CUL7: variants seen among roughly 807,000 people sequenced by gnomAD.
CUL7 encodes the protein cullin-7.
A neutral mutation model predicts 177.7 loss-of-function variants in CUL7; 96 were observed. That is an observed-to-expected ratio of 0.54 (90% CI 0.46 to 0.64). CUL7 has a LOEUF of 0.64. Among genes scored for constraint, CUL7 ranks in the 30% least tolerant of loss-of-function variants. The pLI is 0.00. For missense variants in CUL7, 1,893 were observed against 2,187.9 expected (o/e 0.87, Z 2.69); for synonymous variants, 824 against 890.2 (o/e 0.93, Z 1.32).
Position 43,043,401 on chromosome 6 carries a change from G to A in CUL7, c.3355+47C>T, listed in dbSNP as rs1561879562. On this transcript the variant is annotated intron_variant, in intron 17 of 25. Coordinates refer to ENST00000265348, the MANE Select transcript of CUL7 (RefSeq NM_014780.5). This position sits in a 1 kb window ranked among gnomAD's most constrained non-coding sequence, Gnocchi z 4.2. ...CCTGTGGTGTACACATGGGGCCCAG[G>A]AAAACGCTCCTGACTAGAGCTCCCC... The A allele has an allele frequency of 5.0e-6, 8 of 1,593,176 alleles. No homozygotes were observed. The South Asian group carries it at 6.6e-5, about 13-fold the overall frequency.
At position 43,043,263 on chromosome 6, in the gene CUL7, G is replaced by T; in HGVS notation, c.3356-83C>A. 2.3e-6 allele frequency: 3 copies of T among 1,294,674 alleles called. No individual in the cohort carries two copies. Among genetic ancestry groups the T allele is most frequent in the Non-Finnish European group, 2.2e-6 (2 of 905,240 alleles). The allele number at this position is 1,294,674 out of a possible 1,614,324, so 80.2% of individuals were successfully genotyped here. On this transcript the variant is annotated intron_variant, in intron 17 of 25. Coordinates refer to ENST00000265348, the MANE Select transcript of CUL7 (RefSeq NM_014780.5). The surrounding 1 kb of genome is among the most constrained non-coding windows in gnomAD (Gnocchi z 4.2). ...TCCCCATCCAAGGGGGTTCCCTGAG[G>T]CCTTTCCTGACATGCTGCCACCCAA... is the stretch of plus-strand genomic sequence containing the variant.
At position 43,043,530 on chromosome 6, in the gene CUL7, C is replaced by T. The variant is rs144269675; in HGVS notation, c.3273G>A (p.Ser1091=). 118 of 1,614,068 alleles carry T rather than the reference C, an allele frequency of 7.3e-5. No individual in the cohort carries two copies. The African/African-American group carries it at 1.1e-3, about 15-fold the overall frequency. ...GCAGGTGAGTGAGACGGCGCACCCG[C>T]GAGAAGAAAGCTGGGCCGCGGCTCT... is the stretch of plus-strand genomic sequence containing the variant. ...NPQSRGPAFF[S]RVRRLTHLLV... is the part of the protein sequence containing the mutation. Residue 1091 remains serine (S), a synonymous_variant, in exon 17 of 26, where the codon TCG becomes TCA. Coordinates refer to ENST00000265348, the MANE Select transcript of CUL7 (RefSeq NM_014780.5). This position sits in a 1 kb window ranked among gnomAD's most constrained non-coding sequence, Gnocchi z 4.2.
At chr6:43,042,337 G>GTTTTTTTTTT (rs990850609) in intron 19 of CUL7, among the ~76,000 whole-genome samples, 7 of 151,512 alleles carry the variant, frequency 4.6e-5, no homozygotes, top group Non-Finnish European at 8.8e-5. Context: ...GGGTTTTTTT[G>GTTTTTTTTTT]TTTTTTTCTT....
chr6:43,042,506 A>G (rs1178734657), intron 19 of CUL7, among the ~76,000 whole-genome samples: 1 of 151,856 alleles, frequency 6.6e-6, no homozygotes, highest in Non-Finnish European at 1.5e-5. Context: ...ATGCCTGGCT[A>G]ATTTTTGTAT....
At position 43,040,672 on chromosome 6, in the gene CUL7, G is replaced by A; in HGVS notation, c.3881C>T (p.Pro1294Leu). 6.2e-7 allele frequency: 1 copy of A among 1,614,186 alleles called. No individual in the cohort carries two copies. Among genetic ancestry groups the A allele is most frequent in the East Asian group, 2.2e-5 (1 of 44,884 alleles). Residue 1294 changes from proline (P) to leucine (L), a missense_variant, in exon 21 of 26, where the codon CCC becomes CTC. Coordinates refer to ENST00000265348, the MANE Select transcript of CUL7 (RefSeq NM_014780.5). This position sits in a 1 kb window ranked among gnomAD's most constrained non-coding sequence, Gnocchi z 4.2. ...CTGGGGGAGGCGGTTGGGGAAGCAG[G>A]GACCGATCTGCTCCAGCACGGCCCC... ...LEGAVLEQIG[P>L]CFPNRLPQQM...
chr6:43,046,706 C>G, intron 10 of CUL7, 105 bp from the exon 11 acceptor site: 1 of 1,526,724 alleles, frequency 6.5e-7, no homozygotes, highest in South Asian at 1.2e-5. Context: ...GGGACTTCCT[C>G]TACAGCACCA....
At position 43,043,827 on chromosome 6, in the gene CUL7, A is replaced by C. The variant is rs1018817490; in HGVS notation, c.3173-197T>G. ...GAGGATCGCTTGAGGCAGGAGTTCA[A>C]GACTGGCCTGGTCAACATAGCAGGA... On this transcript the variant is annotated intron_variant, in intron 16 of 25. Transcript: ENST00000265348. This position sits in a 1 kb window ranked among gnomAD's most constrained non-coding sequence, Gnocchi z 4.2. Among the ~76,000 whole-genome samples the C allele has an allele frequency of 6.6e-6, 1 of 151,306 alleles. No individual in the cohort carries two copies. Among genetic ancestry groups the C allele is most frequent in the Non-Finnish European group, 1.5e-5 (1 of 67,800 alleles).
rs1351651541 is a variant in CUL7, at chr6:43,043,833, G to A, written c.3173-203C>T. Among the ~76,000 whole-genome samples the A allele has an allele frequency of 6.6e-6, 1 of 151,618 alleles. No individual in the cohort carries two copies. Among genetic ancestry groups the A allele is most frequent in the Middle Eastern group, 3.4e-3 (1 of 292 alleles). ...CGCTTGAGGCAGGAGTTCAAGACTG[G>A]CCTGGTCAACATAGCAGGACCCCAT... On this transcript the variant is annotated intron_variant, in intron 16 of 25. Coordinates refer to ENST00000265348, the MANE Select transcript of CUL7 (RefSeq NM_014780.5). This position sits in a 1 kb window ranked among gnomAD's most constrained non-coding sequence, Gnocchi z 4.2.
chr6:43,052,356 T>A lies in CUL7; in HGVS notation c.433A>T (p.Ser145Cys), dbSNP rs780600533. The A allele has an allele frequency of 6.2e-7, 1 of 1,614,136 alleles. No homozygotes were observed. The highest frequency in any genetic ancestry group is 8.5e-7 in the Non-Finnish European group (1 of 1,180,044). The change falls in exon 2 of 26, where the codon AGC becomes TGC. Residue 145 changes from serine (S) to cysteine (C), a missense_variant. Coordinates refer to ENST00000265348, the MANE Select transcript of CUL7 (RefSeq NM_014780.5). The surrounding 1 kb of genome is among the most constrained non-coding windows in gnomAD (Gnocchi z 4.5). Reference sequence around the variant, plus strand: ...AGGGGCTCAATGCTGGCATAGGCGCTGAGCACGTGGACAGTGTGAAGTAGA... The same window carrying A: ...AGGGGCTCAATGCTGGCATAGGCGCAGAGCACGTGGACAGTGTGAAGTAGA... ...APLLHTVHVL[S>C]AYASIEPLTG...
At chr6:43,044,990 A>C (rs1426629501) in intron 15 of CUL7, 105 bp from the exon 16 acceptor site, 1 of 1,530,272 alleles carries the variant, frequency 6.5e-7, no homozygotes, top group African/African-American at 1.4e-5. Context: ...CCCAAACCGA[A>C]GGCCCCCTGG....
At position 43,040,771 on chromosome 6, in the gene CUL7, A is replaced by G. The variant is rs767522230; in HGVS notation, c.3807-25T>C. 1 of 1,612,860 alleles carries G rather than the reference A, an allele frequency of 6.2e-7. No homozygotes were observed. Among genetic ancestry groups the G allele is most frequent in the Non-Finnish European group, 8.5e-7 (1 of 1,178,900 alleles). ...CCTGCAGTGCATGCAGCCCGGGCCA[A>G]GCCTCAGTGTGGGCACCAGTGTGGC... On this transcript the variant is annotated intron_variant, in intron 20 of 25. Coordinates refer to ENST00000265348, the MANE Select transcript of CUL7 (RefSeq NM_014780.5). The surrounding 1 kb of genome is among the most constrained non-coding windows in gnomAD (Gnocchi z 4.2).
chr6:43,050,723 G>A lies in CUL7; in HGVS notation c.1233+245C>T, dbSNP rs1764324549. 6.6e-6 allele frequency among the ~76,000 whole-genome samples: 1 copy of A among 151,932 alleles called. No homozygotes were observed. Among genetic ancestry groups the A allele is most frequent in the Admixed American group, 6.6e-5 (1 of 15,260 alleles). On this transcript the variant is annotated intron_variant, in intron 4 of 25. Transcript: ENST00000265348. This position sits in a 1 kb window ranked among gnomAD's most constrained non-coding sequence, Gnocchi z 4.1. Reference sequence around the variant, plus strand: ...CTCCATCTCCCTGACCCTGACCTTTGGAGGAGTCTGGCTATATCAGTTTCT... The same window carrying A: ...CTCCATCTCCCTGACCCTGACCTTTAGAGGAGTCTGGCTATATCAGTTTCT...
chr6:43,042,556 G>T (rs1470661942), intron 19 of CUL7, among the ~76,000 whole-genome samples: 1 of 152,162 alleles, frequency 6.6e-6, no homozygotes, highest in South Asian at 2.1e-4. Flanking sequence ...GGCCAGGCTG[G>T]CCTCAAACTC....
chr6:43,052,390 AG>A lies in CUL7; in HGVS notation c.398del (p.Pro133LeufsTer38). 6.2e-7 allele frequency: 1 copy of A among 1,614,256 alleles called. No individual in the cohort carries two copies. On this transcript the variant is annotated frameshift_variant, in exon 2 of 26. Transcript: ENST00000265348. LOFTEE classifies it high-confidence loss of function. This position sits in a 1 kb window ranked among gnomAD's most constrained non-coding sequence, Gnocchi z 4.5. Reference sequence around the variant, plus strand: ...GGACAGTGTGAAGTAGAGGAGCAGGAGGGATAGTGCCCACACACTCCTCCAG... The same window carrying A: ...GGACAGTGTGAAGTAGAGGAGCAGGAGGATAGTGCCCACACACTCCTCCAG... ...RQLEECVGTI[P>X]PAPLLHTVHV... is the part of the protein sequence containing the mutation.
At position 43,050,439 on chromosome 6, in the gene CUL7, C is replaced by T. The variant is rs759159039; in HGVS notation, c.1234-41G>A. On this transcript the variant is annotated intron_variant, in intron 4 of 25. Transcript: ENST00000265348. The surrounding 1 kb of genome is among the most constrained non-coding windows in gnomAD (Gnocchi z 4.1). ...AGAAAGAGGGAAGGGGAAGGGAGGACTCACAAATGACTGGCTGTGGCCCAG... is the reference window on the plus strand; with the variant it reads ...AGAAAGAGGGAAGGGGAAGGGAGGATTCACAAATGACTGGCTGTGGCCCAG... The T allele has an allele frequency of 1.2e-6, 2 of 1,612,872 alleles. No homozygotes were observed. The highest frequency in any genetic ancestry group is 1.7e-6 in the Non-Finnish European group (2 of 1,179,774).
intron 9 of CUL7, 133 bp from the exon 10 acceptor site, chr6:43,047,240 C>A: frequency 1.5e-6 from 1 of 672,900 alleles, no homozygotes; most frequent in Non-Finnish European, 2.7e-6. Context: ...GGCAGAGTGA[C>A]GAAGTGAAAA....
rs1269164681 is a variant in CUL7 at position 43,040,263 on chromosome 6, C to T, written c.4187G>A (p.Arg1396Gln). ...GATTGAGGCAACAGGCCAGGAGTGT[C>T]GGGACAGGACAAGCACAGACACTTC... ...MPEVSVLVLS[R>Q]HSWPVASICH... The change falls in exon 22 of 26, where the codon CGA (arginine) becomes CAA (glutamine). Residue 1396 changes from arginine (R) to glutamine (Q), a missense_variant. Around this residue, in one of 5 missense-constraint regions of CUL7, gnomAD observed 973 missense variants for 1,140.9 expected, o/e 0.85. Coordinates refer to ENST00000265348, the MANE Select transcript of CUL7 (RefSeq NM_014780.5). This position sits in a 1 kb window ranked among gnomAD's most constrained non-coding sequence, Gnocchi z 4.2. 8 of 1,614,010 alleles carry T rather than the reference C, an allele frequency of 5.0e-6. No homozygotes were observed. Among genetic ancestry groups the T allele is most frequent in the East Asian group, 4.5e-5 (2 of 44,888 alleles).
chr6:43,037,697 G>A lies in CUL7; in HGVS notation c.5088C>T (p.Thr1696=), dbSNP rs73733789. 7.3e-4 allele frequency: 1,142 copies of A among 1,555,354 alleles called. 6 individuals carry two copies. The African/African-American group carries it at 0.014, about 18-fold the overall frequency. The change falls in exon 26 of 26, where the codon ACC becomes ACT. Residue 1696 remains threonine (T), a synonymous_variant. Transcript: ENST00000265348. ...GACCCCAAGTCTAGGGCTACCGGAAGGTAGAGAAGCTCTGGGTGGCAGTGC... is the reference window on the plus strand; with the variant it reads ...GACCCCAAGTCTAGGGCTACCGGAAAGTAGAGAAGCTCTGGGTGGCAGTGC... The part of the protein sequence containing the change: ...ASCTATQSFS[T]FR
intron 8 of CUL7, 23 bp downstream of exon 8, chr6:43,048,309 C>T (rs774941067): frequency 1.3e-6 from 2 of 1,593,288 alleles, no homozygotes; most frequent in Non-Finnish European, 8.6e-7. Flanking sequence ...CCTCAGAGAT[C>T]CCACCTGTCA....
Sources: gnomAD v4.1 joint callset for allele counts (sites outside exome capture counted in the v4.1 genomes callset) on GRCh38, gnomAD v4.1.1 for gene constraint, gnomAD v4.1.1 regional missense constraint, Gnocchi (gnomAD v3.1) non-coding constraint, MANE v1.5 for transcripts, NCBI Gene and HGNC (gene_info 2026-07-23, HGNC 2026-07-21) for gene names.